Variants in ARHGEF3 observed in about 807,000 individuals in gnomAD.
ARHGEF3 encodes the protein 59.8 kDA protein.
In ARHGEF3, 28 loss-of-function variants were observed where a neutral mutation model predicts 63.2. That is an observed-to-expected ratio of 0.44 (90% confidence interval 0.33 to 0.61). The LOEUF is 0.61. ARHGEF3 is among the 20% of genes least tolerant of loss of function. The pLI, the probability that ARHGEF3 is intolerant of heterozygous loss-of-function variation, is 0.03. For synonymous variants in ARHGEF3, 266 were observed against 254.2 expected (o/e 1.05, Z -0.44); for missense variants, 533 against 659.3 (o/e 0.81, Z 2.10).
At chr3:56,926,500 A>G (rs1490536454) in intron 3 of ARHGEF3, among the ~76,000 whole-genome samples, 3 of 152,212 alleles carry the variant, frequency 2.0e-5, no homozygotes, top group African/African-American at 7.2e-5. Flanking sequence ...CACAAACATA[A>G]ATATATTTGC....
At chr3:56,903,266 T>C (rs1035751744) in intron 3 of ARHGEF3, among the ~76,000 whole-genome samples, 17 of 152,266 alleles carry the variant, frequency 1.1e-4, no homozygotes, top group Middle Eastern at 3.4e-3. Flanking sequence ...AAAAGTCTGA[T>C]AATATGAAGG....
At chr3:56,843,694 T>A (rs79421556) in intron 4 of ARHGEF3, among the ~76,000 whole-genome samples, 2,637 of 152,320 alleles carry the variant, frequency 0.017, 75 homozygotes, top group African/African-American at 0.06. Flanking sequence ...ATAGTGTAGA[T>A]GTTTTTTATA....
At chr3:56,752,558 A>T (rs996450572) in intron 4 of ARHGEF3, among the ~76,000 whole-genome samples, 2 of 152,192 alleles carry the variant, frequency 1.3e-5, no homozygotes, top group Admixed American at 1.3e-4. Context: ...TTCCTGAAGG[A>T]TGGGTGGATA....
At chr3:57,039,081 A>T (rs932311658) in intron 1 of ARHGEF3, among the ~76,000 whole-genome samples, 4 of 151,798 alleles carry the variant, frequency 2.6e-5, no homozygotes, top group African/African-American at 9.7e-5. Flanking sequence ...TCTAAAGTTC[A>T]TCAGTATTTC....
At chr3:56,962,178 C>A (rs1309898478) in intron 2 of ARHGEF3, among the ~76,000 whole-genome samples, 2 of 152,224 alleles carry the variant, frequency 1.3e-5, no homozygotes, top group Non-Finnish European at 2.9e-5. Context: ...GAGAACCATA[C>A]TGATGAGAAG....
chr3:56,955,352 C>G (rs145874085), intron 3 of ARHGEF3, among the ~76,000 whole-genome samples: 5 of 144,204 alleles, frequency 3.5e-5, no homozygotes, highest in Non-Finnish European at 6.3e-5. Context: ...TAGGTCATCA[C>G]GCCCAGCTAA....
chr3:57,032,799 G>A (rs1703787183), intron 2 of ARHGEF3, among the ~76,000 whole-genome samples: 2 of 152,208 alleles, frequency 1.3e-5, no homozygotes, highest in African/African-American at 4.8e-5. Flanking sequence ...AGAAGCAGAT[G>A]ATCCCGGGCT....
At chr3:57,001,098 C>T (rs1272952479) in intron 2 of ARHGEF3, among the ~76,000 whole-genome samples, 1 of 151,948 alleles carries the variant, frequency 6.6e-6, no homozygotes, top group Non-Finnish European at 1.5e-5. Context: ...CACCACAATG[C>T]CTGGCTAAAT....
intron 2 of ARHGEF3, among the ~76,000 whole-genome samples, chr3:56,773,027 G>A (rs2036091137): frequency 6.6e-6 from 1 of 151,968 alleles, no homozygotes; most frequent in African/African-American, 2.4e-5. Flanking sequence ...CTAAGCCAAG[G>A]GTCAGCAAAC....
intron 4 of ARHGEF3, among the ~76,000 whole-genome samples, chr3:56,821,364 AG>A (rs2038487814): frequency 3.9e-5 from 6 of 152,202 alleles, no homozygotes; most frequent in African/African-American, 1.4e-4. Context: ...CTACTTTTCC[AG>A]TATAAGCAGA....
chr3:56,922,613 C>T (rs1284203068), intron 3 of ARHGEF3, among the ~76,000 whole-genome samples: 3 of 152,098 alleles, frequency 2.0e-5, no homozygotes, highest in Admixed American at 1.3e-4. Context: ...ATAACAAAAG[C>T]AAGAATCATT....
rs114804234 is a variant in ARHGEF3 at position 56,810,060 on chromosome 3, C to A, written c.193-36244G>T. Among the ~76,000 whole-genome samples, 1,035 of 152,252 alleles carry A rather than the reference C, an allele frequency of 6.8e-3. 11 individuals carry two copies. The highest frequency in any genetic ancestry group is 0.023 in the African/African-American group (962 of 41,510). On this transcript the variant is annotated intron_variant, in intron 4 of 12. Coordinates refer to the ARHGEF3 transcript ENST00000338458. ...TATTTAGTTATTTATTCCCCTCAGA[C>A]TACAACTAAGGTATTCCTTTATGTG... is the stretch of plus-strand genomic sequence containing the variant.
At chr3:57,049,598 C>T (rs1257694586) in intron 1 of ARHGEF3, among the ~76,000 whole-genome samples, 1 of 152,164 alleles carries the variant, frequency 6.6e-6, no homozygotes, top group Non-Finnish European at 1.5e-5. Flanking sequence ...GCTGAGTTCA[C>T]CTGGGGAATT....
chr3:56,916,343 G>T, intron 3 of ARHGEF3: 1 of 1,535,340 alleles, frequency 6.5e-7, no homozygotes, highest in African/African-American at 1.4e-5. Flanking sequence ...CCACACCATG[G>T]GGCGCTCTGA....
At chr3:56,839,003 G>A (rs1272220796) in intron 4 of ARHGEF3, among the ~76,000 whole-genome samples, 1 of 152,086 alleles carries the variant, frequency 6.6e-6, no homozygotes, top group Non-Finnish European at 1.5e-5. Flanking sequence ...ACTGGGCGTG[G>A]TGGTACACAC....
rs114538186 is a variant in ARHGEF3 at position 56,860,747 on chromosome 3, A to G, written c.192+21545T>C. On this transcript the variant is annotated intron_variant, in intron 4 of 12. Transcript: ENST00000338458. ...TAGAGACCCCATGGAAGCCCCTGGA[A>G]GTTACTGGAGAGTTTGACTAAGGAG... is the stretch of plus-strand genomic sequence containing the variant. Among the ~76,000 whole-genome samples, 633 of 152,330 alleles carry G rather than the reference A, an allele frequency of 4.2e-3. 2 individuals carry two copies. The highest frequency in any genetic ancestry group is 0.014 in the African/African-American group (601 of 41,574).
chr3:57,073,721 G>C, intron 1 of ARHGEF3: 1 of 1,614,114 alleles, frequency 6.2e-7, no homozygotes, highest in Non-Finnish European at 8.5e-7. Context: ...TGACTTGTGG[G>C]TCCACCTTAG....
chr3:56,955,674 C>G (rs1230849175), intron 3 of ARHGEF3, among the ~76,000 whole-genome samples: 1 of 152,230 alleles, frequency 6.6e-6, no homozygotes, highest in Non-Finnish European at 1.5e-5. Context: ...TGCCCTAGAA[C>G]AGCATGCACA....
At chr3:56,828,850 C>T (rs913521523) in intron 4 of ARHGEF3, among the ~76,000 whole-genome samples, 2 of 152,108 alleles carry the variant, frequency 1.3e-5, no homozygotes, top group African/African-American at 4.8e-5. Flanking sequence ...TTAAAGAGAT[C>T]CCTTGTATGG....
Sources: allele counts gnomAD v4.1 joint callset (sites outside exome capture counted in the v4.1 genomes callset), GRCh38; gene constraint gnomAD v4.1.1; transcripts MANE v1.5; gene names NCBI Gene and HGNC (gene_info 2026-07-23, HGNC 2026-07-21).